NOX4: variants seen among roughly 807,000 people sequenced by gnomAD.
NOX4 encodes kidney oxidase-1.
In NOX4, 69 loss-of-function variants were observed where a neutral mutation model predicts 87.6. That is an observed-to-expected ratio of 0.79 (90% CI 0.65 to 0.96). The LOEUF (loss-of-function observed/expected upper bound fraction) is 0.96. Ranked by LOEUF, NOX4 falls within the 40% of genes least tolerant of loss-of-function variation. NOX4 has a pLI of 0.00. For missense variants in NOX4, 680 were observed against 681.5 expected, an observed-to-expected ratio of 1.00 and a Z score of 0.02; for synonymous variants, 275 against 238.2, an observed-to-expected ratio of 1.15 and a Z score of -1.42.
At chr11:89,332,110 T>C (rs1432955042) in intron 17 of NOX4, among the ~76,000 whole-genome samples, 1 of 151,832 alleles carries the variant, frequency 6.6e-6, no homozygotes, top group Admixed American at 6.6e-5. Context: ...ATGTTCATAC[T>C]TGCTTTTTCA....
At chr11:89,437,003 CAG>C (rs1438064659) in intron 6 of NOX4, among the ~76,000 whole-genome samples, 4 of 151,746 alleles carry the variant, frequency 2.6e-5, no homozygotes, top group Admixed American at 1.3e-4. Context: ...TTCCAACACA[CAG>C]AGATAGAAGA....
At chr11:89,532,442 C>T in the NOX4 span, among the ~76,000 whole-genome samples, 1 of 152,058 alleles carries the variant, frequency 6.6e-6, no homozygotes, top group Admixed American at 6.6e-5. Flanking sequence ...TTCTGTAGTC[C>T]CTTTGTTTTG....
chr11:89,504,875 T>C, the NOX4 span, among the ~76,000 whole-genome samples: 60 of 152,084 alleles, frequency 3.9e-4, no homozygotes, highest in African/African-American at 1.4e-3. Context: ...ACTTTAATTG[T>C]TGTTCTAATT....
At chr11:89,531,598 C>T in the NOX4 span, among the ~76,000 whole-genome samples, 1 of 152,134 alleles carries the variant, frequency 6.6e-6, no homozygotes. Context: ...GGGCAGTTTT[C>T]CCCATGCTGT....
the NOX4 span, among the ~76,000 whole-genome samples, chr11:89,572,543 G>A: frequency 6.6e-6 from 1 of 151,876 alleles, no homozygotes; most frequent in Admixed American, 6.6e-5. Context: ...TTGTTTGTTT[G>A]TTTGTTTTGT....
chr11:89,490,877 G>A (rs766759007), intron 1 of NOX4: 4 of 701,050 alleles, frequency 5.7e-6, no homozygotes, highest in Non-Finnish European at 1.0e-5. Flanking sequence ...AGTAATCTGG[G>A]AAAAGAACAA....
At chr11:89,382,846 G>A (rs146558581) in intron 11 of NOX4, among the ~76,000 whole-genome samples, 2,280 of 152,126 alleles carry the variant, frequency 0.015, 61 homozygotes, top group African/African-American at 0.051. Flanking sequence ...CAAGGTTAAT[G>A]CTCCTTTTTC....
At chr11:89,405,925 T>A (rs938185176) in intron 8 of NOX4, among the ~76,000 whole-genome samples, 7 of 152,014 alleles carry the variant, frequency 4.6e-5, no homozygotes, top group Admixed American at 6.6e-5. Context: ...TTGCAAAATA[T>A]CCACACTACT....
chr11:89,540,509 C>A, the NOX4 span, among the ~76,000 whole-genome samples: 1 of 151,670 alleles, frequency 6.6e-6, no homozygotes, highest in Non-Finnish European at 1.5e-5. Context: ...AAGCTTCGGC[C>A]GGGCACAGTG....
At chr11:89,429,473 A>G (rs1323825155) in intron 7 of NOX4, among the ~76,000 whole-genome samples, 1 of 152,196 alleles carries the variant, frequency 6.6e-6, no homozygotes, top group Non-Finnish European at 1.5e-5. Flanking sequence ...CAAGACTAAT[A>G]AAGAAGAAAA....
intron 13 of NOX4, among the ~76,000 whole-genome samples, chr11:89,346,709 T>G (rs542324694): frequency 1.4e-3 from 209 of 152,300 alleles, no homozygotes; most frequent in African/African-American, 4.9e-3. Context: ...AATTCTTATC[T>G]GAGTCGGGAA....
the NOX4 span, among the ~76,000 whole-genome samples, chr11:89,567,265 A>G: frequency 1.3e-5 from 2 of 152,078 alleles, no homozygotes; most frequent in Admixed American, 6.5e-5. Flanking sequence ...TGTGGACTCT[A>G]CCTAACCATC....
At chr11:89,339,546 G>T (rs760041889) in intron 15 of NOX4, among the ~76,000 whole-genome samples, 7 of 152,214 alleles carry the variant, frequency 4.6e-5, no homozygotes, top group Non-Finnish European at 8.8e-5. Context: ...AATGTTACAC[G>T]TAGGATAGGA....
chr11:89,375,977 GC>G (rs1939811221), intron 11 of NOX4, among the ~76,000 whole-genome samples: 1 of 152,170 alleles, frequency 6.6e-6, no homozygotes, highest in African/African-American at 2.4e-5. Flanking sequence ...TACATATTTT[GC>G]CAAATATTCA....
chr11:89,564,273 G>A, the NOX4 span, among the ~76,000 whole-genome samples: 1 of 152,136 alleles, frequency 6.6e-6, no homozygotes, highest in Non-Finnish European at 1.5e-5. Flanking sequence ...CAAGGAGCGT[G>A]GCTGGGGAGG....
the NOX4 span, among the ~76,000 whole-genome samples, chr11:89,543,412 G>T: frequency 6.6e-6 from 1 of 152,022 alleles, no homozygotes; most frequent in Non-Finnish European, 1.5e-5. Context: ...TAAACAACAT[G>T]TTGATTATAT....
intron 12 of NOX4, among the ~76,000 whole-genome samples, chr11:89,365,748 G>C (rs1698273): frequency 0.59 from 63,641 of 108,724 alleles, 18,525 homozygotes; most frequent in African/African-American, 0.83. Context: ...CCAAGACCAC[G>C]CCCACAAAAA....
At chr11:89,337,886 TTTTC>T (rs1945786246) in intron 15 of NOX4, among the ~76,000 whole-genome samples, 1 of 152,016 alleles carries the variant, frequency 6.6e-6, no homozygotes, top group South Asian at 2.1e-4. Flanking sequence ...AAGAACATGA[TTTTC>T]TTGAGAAAAA....
At chr11:89,500,529 G>C (rs1235270467), upstream of NOX4, among the ~76,000 whole-genome samples, 1 of 152,060 alleles carries the variant, frequency 6.6e-6, no homozygotes, top group Non-Finnish European at 1.5e-5. Context: ...GTCATTACTT[G>C]TTTTAGCCTC....
Sources: gnomAD v4.1 joint callset for allele counts (sites outside exome capture counted in the v4.1 genomes callset) on GRCh38, gnomAD v4.1.1 for gene constraint, MANE v1.5 for transcripts, NCBI Gene and HGNC (gene_info 2026-07-23, HGNC 2026-07-21) for gene names.